PPP1R9A: variants seen among roughly 807,000 people sequenced by gnomAD.
The protein encoded by PPP1R9A is protein phosphatase 1 regulatory subunit 9A.
PPP1R9A carries 59 observed loss-of-function variants against 141.9 expected under a neutral mutation model. The ratio of observed to expected loss-of-function variants is 0.42; its 90% CI spans 0.34 to 0.52. PPP1R9A has a LOEUF of 0.52. Ranked by LOEUF, PPP1R9A falls within the 20% of genes least tolerant of loss-of-function variation. PPP1R9A has a pLI of 0.10. For synonymous variants in PPP1R9A, 500 were observed against 569.7 expected (o/e 0.88, Z 1.74); for missense variants, 1,444 against 1,611.9 (o/e 0.90, Z 1.78).
intron 2 of PPP1R9A, among the ~76,000 whole-genome samples, chr7:94,953,484 A>G (rs1796709096): frequency 6.6e-6 from 1 of 152,094 alleles, no homozygotes; most frequent in Non-Finnish European, 1.5e-5. Flanking sequence ...AGTTTTTTCT[A>G]ATTCTGTGAA....
chr7:95,018,217 CAG>C (rs1805389420), intron 2 of PPP1R9A: 1 of 227,946 alleles, frequency 4.4e-6, no homozygotes, highest in African/African-American at 2.3e-5. Context: ...ACATGATAGA[CAG>C]ACTGTCCACC....
intron 2 of PPP1R9A, among the ~76,000 whole-genome samples, chr7:94,927,467 T>C (rs1038272317): frequency 2.0e-5 from 3 of 152,186 alleles, no homozygotes; most frequent in Admixed American, 1.3e-4. Flanking sequence ...GAGATTAATA[T>C]TATAACATTT....
chr7:95,011,349 CTG>C (rs1032202223), intron 2 of PPP1R9A, among the ~76,000 whole-genome samples: 45 of 152,226 alleles, frequency 3.0e-4, no homozygotes, highest in African/African-American at 9.9e-4. Flanking sequence ...TCTTGGCAGA[CTG>C]TGCTCTGTTC....
intron 3 of PPP1R9A, among the ~76,000 whole-genome samples, chr7:95,118,457 T>C (rs189000296): frequency 6.6e-5 from 10 of 152,284 alleles, no homozygotes; most frequent in African/African-American, 1.9e-4. Flanking sequence ...GGAAGTGCCT[T>C]CAGCTGGGGT....
chr7:95,132,915 G>A (rs112408369), intron 4 of PPP1R9A, among the ~76,000 whole-genome samples: 1,569 of 152,262 alleles, frequency 0.01, 25 homozygotes, highest in African/African-American at 0.036. Flanking sequence ...GAGTCCCAAG[G>A]TCTGAGATCC....
chr7:95,207,692 CA>C (rs1791130458), intron 7 of PPP1R9A, among the ~76,000 whole-genome samples: 1 of 151,938 alleles, frequency 6.6e-6, no homozygotes, highest in Non-Finnish European at 1.5e-5. Flanking sequence ...AACTGTTATT[CA>C]CATATGATGA....
chr7:94,926,011 A>C (rs1180680491), intron 2 of PPP1R9A, among the ~76,000 whole-genome samples: 1 of 151,848 alleles, frequency 6.6e-6, no homozygotes, highest in African/African-American at 2.4e-5. Context: ...CCATTTTTGT[A>C]GAGACAGAGT....
intron 2 of PPP1R9A, among the ~76,000 whole-genome samples, chr7:94,946,969 T>G (rs923469804): frequency 6.6e-6 from 1 of 152,206 alleles, no homozygotes; most frequent in African/African-American, 2.4e-5. Flanking sequence ...CACTTTCTTA[T>G]GAATTTTGCA....
At chr7:95,061,759 C>T (rs2152078925) in intron 2 of PPP1R9A, among the ~76,000 whole-genome samples, 1 of 152,162 alleles carries the variant, frequency 6.6e-6, no homozygotes, top group Middle Eastern at 3.4e-3. Flanking sequence ...AAATAAAGAG[C>T]CATGGCTTTG....
Position 95,288,519 on chromosome 7 carries a change from T to A in PPP1R9A, c.3730-17T>A. 2 of 1,612,746 alleles carry A rather than the reference T, an allele frequency of 1.2e-6. No homozygotes were observed. Among genetic ancestry groups the A allele is most frequent in the South Asian group, 2.2e-5 (2 of 90,758 alleles). On this transcript the variant is annotated splice_polypyrimidine_tract_variant and intron_variant, in intron 18 of 19. Coordinates refer to ENST00000433360, the MANE Select transcript of PPP1R9A (RefSeq NM_001166160.2). Reference sequence around the variant, plus strand: ...ATCTTGGTCCTTTAACAACACTACGTAACATTCCTATCTTAGATCCTTGAT... The same window carrying A: ...ATCTTGGTCCTTTAACAACACTACGAAACATTCCTATCTTAGATCCTTGAT...
At chr7:95,214,624 A>G (rs1364853144) in intron 7 of PPP1R9A, among the ~76,000 whole-genome samples, 2 of 152,152 alleles carry the variant, frequency 1.3e-5, no homozygotes, top group Non-Finnish European at 2.9e-5. Flanking sequence ...GGATTATACA[A>G]GGGCATGAAC....
At chr7:94,928,337 G>A (rs1793736470) in intron 2 of PPP1R9A, among the ~76,000 whole-genome samples, 1 of 152,066 alleles carries the variant, frequency 6.6e-6, no homozygotes. Flanking sequence ...AAACTATGGG[G>A]AGTCATTGAA....
intron 2 of PPP1R9A, among the ~76,000 whole-genome samples, chr7:94,978,858 G>A (rs188484114): frequency 5.9e-5 from 9 of 152,256 alleles, no homozygotes; most frequent in East Asian, 1.9e-4. Flanking sequence ...GTGCAGTGGC[G>A]TGATCTCAGC....
In PPP1R9A at chr7:95,278,171, A is replaced by C. The variant is rs111528601; in HGVS notation, c.3296+4003A>C. Among the ~76,000 whole-genome samples the C allele has an allele frequency of 8.4e-3, 1,280 of 152,262 alleles. 9 individuals carry two copies. The highest frequency in any genetic ancestry group is 0.013 in the Non-Finnish European group (904 of 68,020). On this transcript the variant is annotated intron_variant, in intron 16 of 19. Coordinates refer to ENST00000433360, the MANE Select transcript of PPP1R9A (RefSeq NM_001166160.2). ...CTGGGACCTTGGTTTCCTACCAAAA[A>C]ATAAGTGGATTGGGCTGACACTGCA...
At chr7:95,289,018 T>G (rs975828536) in intron 19 of PPP1R9A, among the ~76,000 whole-genome samples, 14 of 152,126 alleles carry the variant, frequency 9.2e-5, no homozygotes, top group African/African-American at 3.4e-4. Context: ...AGTATGAGTT[T>G]TAATAATGGC....
chr7:94,942,235 A>G (rs1795405887), intron 2 of PPP1R9A, among the ~76,000 whole-genome samples: 1 of 152,068 alleles, frequency 6.6e-6, no homozygotes, highest in African/African-American at 2.4e-5. Flanking sequence ...GCTAGGCTCT[A>G]GAGAATTTAA....
chr7:94,979,071 A>C (rs1201589675), intron 2 of PPP1R9A, among the ~76,000 whole-genome samples: 1 of 152,180 alleles, frequency 6.6e-6, no homozygotes, highest in Non-Finnish European at 1.5e-5. Flanking sequence ...TGCTGGGATT[A>C]TAGGCATGAG....
chr7:95,296,153 G>A lies in PPP1R9A; in HGVS notation c.*5850G>A, dbSNP rs1396110923. On this transcript the variant is annotated 3_prime_UTR_variant, in exon 20 of 20. Transcript: ENST00000433360. ...GATCATTTGCATGGAAGAGACAATAGTGCCACGTCTGAATTGTTCTCTTGT... is the reference window on the plus strand; with the variant it reads ...GATCATTTGCATGGAAGAGACAATAATGCCACGTCTGAATTGTTCTCTTGT... 1 of 152,574 alleles carries A rather than the reference G, an allele frequency of 6.6e-6. No individual in the cohort carries two copies. Among genetic ancestry groups the A allele is most frequent in the East Asian group, 1.9e-4 (1 of 5,196 alleles). 9.5% of individuals were successfully genotyped at this position (152,574 alleles called of 1,614,324 possible). A position where few individuals can be genotyped will look rare whatever the true frequency, so the allele number is the denominator to read the frequency against.
chr7:95,093,473 C>A (rs10485996), intron 2 of PPP1R9A, among the ~76,000 whole-genome samples: 18,914 of 152,146 alleles, frequency 0.12, 1,577 homozygotes, highest in East Asian at 0.3. Context: ...AGCTAATTAC[C>A]CTTGACTGTA....
Sources: allele counts gnomAD v4.1 joint callset (sites outside exome capture counted in the v4.1 genomes callset), GRCh38; gene constraint gnomAD v4.1.1; transcripts MANE v1.5; gene names NCBI Gene and HGNC (gene_info 2026-07-23, HGNC 2026-07-21).